IL1RAPL1: variants seen among roughly 807,000 people sequenced by gnomAD.
The protein encoded by IL1RAPL1 is interleukin-1 receptor accessory protein-like 1.
In IL1RAPL1, 3 loss-of-function variants were observed where a neutral mutation model predicts 48.4. The observed-to-expected ratio is 0.06, with a 90% CI of 0.03 to 0.16. IL1RAPL1 has a LOEUF of 0.16. Among genes scored for constraint, IL1RAPL1 ranks in the 10% least tolerant of loss-of-function variants. The probability of loss-of-function intolerance (pLI) is 1.00; values close to 1 mark genes in which losing one functional copy is unlikely to be tolerated. For synonymous variants in IL1RAPL1, 185 were observed against 187.7 expected (o/e 0.99, Z 0.12); for missense variants, 349 against 530.6 (o/e 0.66, Z 3.36).
chrX:29,562,034 TTCTATCTATCTATCTATCTA>T (rs61324448), intron 5 of IL1RAPL1, among the ~76,000 whole-genome samples: 6 of 93,080 alleles, frequency 6.4e-5, no homozygotes, highest in Admixed American at 2.5e-4. Flanking sequence ...TCTTTTTCAA[TTCTATCTATCTATCTATCTA>T]TCTATCTATC....
chrX:29,593,841 T>C (rs747149498), intron 5 of IL1RAPL1, among the ~76,000 whole-genome samples: 2 of 112,266 alleles, frequency 1.8e-5, no homozygotes, highest in African/African-American at 6.5e-5. Context: ...CCAGATTATC[T>C]TTAATGACAA....
rs748028533 is a variant in IL1RAPL1 at position 29,178,169 on chromosome X, ACTGT to A, written c.83-104766_83-104763del. Among the ~76,000 whole-genome samples the A allele has an allele frequency of 4.3e-3, 486 of 111,923 alleles. 2 individuals carry two copies. The highest frequency in any genetic ancestry group is 9.7e-3 in the South Asian group (26 of 2,687). On this transcript the variant is annotated intron_variant, in intron 2 of 10. Coordinates refer to ENST00000378993, the MANE Select transcript of IL1RAPL1 (RefSeq NM_014271.4). Reference sequence around the variant, plus strand: ...TTCTAGATCCCTGAGGAATCGCCACACTGTCTTTCACAATGGTTGAACTAATTTA... The same window carrying A: ...TTCTAGATCCCTGAGGAATCGCCACACTTTCACAATGGTTGAACTAATTTA...
chrX:28,608,630 G>T (rs985577880), intron 1 of IL1RAPL1, among the ~76,000 whole-genome samples: 10 of 111,768 alleles, frequency 8.9e-5, no homozygotes, highest in African/African-American at 3.2e-4. Context: ...TTGGGTAGCT[G>T]CAACATGTGT....
At chrX:28,999,593 TTTG>T (rs759338698) in intron 2 of IL1RAPL1, among the ~76,000 whole-genome samples, 10 of 112,019 alleles carry the variant, frequency 8.9e-5, no homozygotes, top group South Asian at 3.7e-4. Context: ...GCTCCCTCTT[TTTG>T]TTATCGCTAA....
chrX:28,930,826 A>G (rs1024450320), intron 2 of IL1RAPL1, among the ~76,000 whole-genome samples: 32 of 110,560 alleles, frequency 2.9e-4, no homozygotes, highest in Admixed American at 2.6e-3. Flanking sequence ...TATTTTTGGT[A>G]GAGACGGGGT....
At chrX:29,099,147 C>T (rs1928278746) in intron 2 of IL1RAPL1, among the ~76,000 whole-genome samples, 2 of 99,811 alleles carry the variant, frequency 2.0e-5, no homozygotes, top group Admixed American at 1.1e-4. Flanking sequence ...AGTGAAACTG[C>T]GTCTCAAACA....
chrX:29,685,749 G>A (rs1926596278), intron 6 of IL1RAPL1, among the ~76,000 whole-genome samples: 1 of 110,550 alleles, frequency 9.0e-6, no homozygotes, highest in African/African-American at 3.3e-5. Flanking sequence ...CACTTTGGGA[G>A]GCCGAGGTGG....
Position 29,080,968 on chromosome X carries a change from CTTTCTTTCTTTCTT to C in IL1RAPL1, c.83-201968_83-201955del, listed in dbSNP as rs1569232712. On this transcript the variant is annotated intron_variant, in intron 2 of 10. Coordinates refer to ENST00000378993, the MANE Select transcript of IL1RAPL1 (RefSeq NM_014271.4). ...TCTTTCTTTCTTTCTTTCTTTCTTTCTTTCTTTCTTTCTTTCTTTCTTTCTTTCTCTCTCTCTCT... is the reference window on the plus strand; with the variant it reads ...TCTTTCTTTCTTTCTTTCTTTCTTTCTCTTTCTTTCTTTCTCTCTCTCTCT... Among the ~76,000 whole-genome samples the C allele has an allele frequency of 2.8e-4, 12 of 42,541 alleles. No homozygotes were observed. The East Asian group carries it at 8.2e-3, about 29-fold the overall frequency. 36.9% of individuals were successfully genotyped at this position (42,541 alleles called of 115,157 possible). A position where few individuals can be genotyped will look rare whatever the true frequency, so the allele number is the denominator to read the frequency against.
chrX:29,883,270 C>T (rs187376837), intron 6 of IL1RAPL1, among the ~76,000 whole-genome samples: 86 of 110,372 alleles, frequency 7.8e-4, no homozygotes, highest in Middle Eastern at 4.6e-3. Context: ...CATTGACCAC[C>T]GAGCACAACC....
At chrX:29,803,395 A>G (rs1199428641) in intron 6 of IL1RAPL1, among the ~76,000 whole-genome samples, 8 of 90,551 alleles carry the variant, frequency 8.8e-5, no homozygotes, top group East Asian at 7.1e-4. Context: ...GTATACACAT[A>G]TGTATATATG....
At chrX:29,332,653 ATTT>A (rs1166480434) in intron 3 of IL1RAPL1, among the ~76,000 whole-genome samples, 1 of 65,630 alleles carries the variant, frequency 1.5e-5, no homozygotes, top group Middle Eastern at 6.8e-3. Flanking sequence ...TATTTATTTT[ATTT>A]TTTTTTTTTT....
intron 2 of IL1RAPL1, among the ~76,000 whole-genome samples, chrX:29,254,791 A>G (rs1602137983): frequency 8.9e-6 from 1 of 111,761 alleles, no homozygotes; most frequent in African/African-American, 3.2e-5. Flanking sequence ...AAAAGATGCA[A>G]TTGATATTTT....
chrX:29,792,549 A>G (rs773095241), intron 6 of IL1RAPL1, among the ~76,000 whole-genome samples: 49 of 111,227 alleles, frequency 4.4e-4, no homozygotes, highest in Admixed American at 1.6e-3. Flanking sequence ...CTTAGATGTA[A>G]GGTCTGAGGA....
chrX:29,639,400 T>C (rs889446434), intron 5 of IL1RAPL1, among the ~76,000 whole-genome samples: 12 of 110,853 alleles, frequency 1.1e-4, no homozygotes, highest in African/African-American at 4.0e-4. Flanking sequence ...AATCTATGCA[T>C]AGTGTGGTGT....
chrX:29,398,807 G>C (rs1009546347), intron 4 of IL1RAPL1, among the ~76,000 whole-genome samples: 2 of 111,346 alleles, frequency 1.8e-5, no homozygotes, highest in African/African-American at 6.5e-5. Flanking sequence ...ATGATGTCAC[G>C]GATAGTCTTA....
At chrX:29,304,109 C>T (rs983603164) in intron 3 of IL1RAPL1, among the ~76,000 whole-genome samples, 5 of 111,460 alleles carry the variant, frequency 4.5e-5, no homozygotes, top group African/African-American at 1.3e-4. Context: ...TAGTGAGTTA[C>T]ATACCTGCCC....
At chrX:28,850,585 C>T (rs137915000) in intron 2 of IL1RAPL1, among the ~76,000 whole-genome samples, 4 of 111,201 alleles carry the variant, frequency 3.6e-5, no homozygotes, top group African/African-American at 9.8e-5. Flanking sequence ...GAGGTGAGAT[C>T]GGTCTCTTGG....
intron 6 of IL1RAPL1, among the ~76,000 whole-genome samples, chrX:29,762,297 G>A (rs762371550): frequency 8.9e-6 from 1 of 111,833 alleles, no homozygotes; most frequent in Non-Finnish European, 1.9e-5. Flanking sequence ...TCTATTGTCA[G>A]TAGCTGTCTT....
intron 2 of IL1RAPL1, among the ~76,000 whole-genome samples, chrX:28,983,758 C>A (rs1258066641): frequency 2.7e-5 from 3 of 111,414 alleles, no homozygotes; most frequent in South Asian, 7.5e-4. Flanking sequence ...TAAAAAAATT[C>A]TCAGCTTATT....
Sources: allele counts gnomAD v4.1 joint callset (sites outside exome capture counted in the v4.1 genomes callset), GRCh38; gene constraint gnomAD v4.1.1; transcripts MANE v1.5; gene names NCBI Gene and HGNC (gene_info 2026-07-23, HGNC 2026-07-21).